The following ESR2 variants were observed in gnomAD, a reference collection of about 807,000 sequenced individuals.
ESR2 encodes the protein estrogen receptor 2, also known as estrogen receptor beta.
ESR2 carries 36 observed loss-of-function variants against 49.6 expected under a neutral mutation model. The ratio of observed to expected loss-of-function variants is 0.73; its 90% confidence interval spans 0.56 to 0.96. ESR2 has a LOEUF of 0.96. ESR2 is among the 40% of genes least tolerant of loss of function. ESR2 has a pLI of 0.00. For missense variants in ESR2, 714 were observed against 693.0 expected (o/e 1.03, Z -0.34); for synonymous variants, 320 against 266.1 (o/e 1.20, Z -1.97).
At chr14:64,306,417 T>C (rs1437080611) in intron 1 of ESR2, among the ~76,000 whole-genome samples, 2 of 152,186 alleles carry the variant, frequency 1.3e-5, no homozygotes, top group South Asian at 4.1e-4. Context: ...TTGGACATAG[T>C]TGGATTTTGT....
At chr14:64,297,769 G>C (rs1000715796), upstream of ESR2, 3 of 152,116 alleles carry the variant, frequency 2.0e-5, no homozygotes, top group Admixed American at 6.5e-5. Context: ...AGGGAAAGGA[G>C]GAATGCTACA....
chr14:64,308,353 C>G (rs1369497980), intron 1 of ESR2, among the ~76,000 whole-genome samples: 1 of 152,132 alleles, frequency 6.6e-6, no homozygotes, highest in Non-Finnish European at 1.5e-5. Context: ...ACAAGACTCC[C>G]TCTAGCACTA....
At chr14:64,317,207 G>T (rs551451491) in intron 1 of ESR2, among the ~76,000 whole-genome samples, 74 of 152,344 alleles carry the variant, frequency 4.9e-4, no homozygotes, top group African/African-American at 1.6e-3. Context: ...AGAGGTTGCA[G>T]TGGGCCCAGG....
intron 1 of ESR2, among the ~76,000 whole-genome samples, chr14:64,313,835 C>G (rs1176937706): frequency 1.4e-5 from 2 of 146,682 alleles, no homozygotes; most frequent in African/African-American, 5.1e-5. Context: ...GTGGAGATCT[C>G]GCCACTTCAC....
At chr14:64,252,307 C>T (rs61984405) in intron 6 of ESR2, among the ~76,000 whole-genome samples, 1 of 121,292 alleles carries the variant, frequency 8.2e-6, no homozygotes, top group African/African-American at 3.5e-5. Flanking sequence ...GCGGGACCGT[C>T]TCTAAAAAAA....
At chr14:64,246,734 CAAAAAAAAAAAAAAAAAAAAA>C (rs71123836) in intron 7 of ESR2, among the ~76,000 whole-genome samples, 1 of 36,452 alleles carries the variant, frequency 2.7e-5, no homozygotes, top group South Asian at 1.9e-3. Flanking sequence ...AAGACTCTGT[CAAAAAAAAAAAAAAAAAAAAA>C]AAAAAAAAAA....
intron 1 of ESR2, among the ~76,000 whole-genome samples, chr14:64,293,076 T>C (rs921705182): frequency 6.6e-6 from 1 of 152,226 alleles, no homozygotes; most frequent in African/African-American, 2.4e-5. Context: ...AACAGATCCT[T>C]ATAGTTTCCT....
chr14:64,264,616 C>T (rs937584460), intron 4 of ESR2, among the ~76,000 whole-genome samples: 2 of 151,786 alleles, frequency 1.3e-5, no homozygotes, highest in African/African-American at 2.4e-5. Context: ...TGCCTGTAAT[C>T]CCCCAGCACT....
At chr14:64,326,962 T>A (rs2077397154) in intron 1 of ESR2, among the ~76,000 whole-genome samples, 1 of 152,228 alleles carries the variant, frequency 6.6e-6, no homozygotes, top group African/African-American at 2.4e-5. Flanking sequence ...CAACTCAACA[T>A]TTCTCGATTA....
chr14:64,239,736 T>G (rs572182526), intron 7 of ESR2, among the ~76,000 whole-genome samples: 4 of 152,332 alleles, frequency 2.6e-5, no homozygotes, highest in African/African-American at 9.6e-5. Context: ...CATTTTTCTG[T>G]TGTCTCTTAC....
intron 4 of ESR2, 105 bp downstream of exon 4, chr14:64,268,690 C>T (rs1007892425): frequency 3.0e-5 from 21 of 707,870 alleles, no homozygotes; most frequent in Non-Finnish European, 4.5e-5. Context: ...TACTTAATTA[C>T]TATGTCCCAA....
intron 1 of ESR2, among the ~76,000 whole-genome samples, chr14:64,286,221 G>A (rs2076782978): frequency 6.6e-6 from 1 of 152,196 alleles, no homozygotes; most frequent in Admixed American, 6.5e-5. Flanking sequence ...GGTAGCTGGA[G>A]AAGGATATAG....
At chr14:64,270,226 A>G (rs2076412639) in intron 3 of ESR2, among the ~76,000 whole-genome samples, 3 of 152,240 alleles carry the variant, frequency 2.0e-5, no homozygotes. Context: ...TGTAGAAGAC[A>G]TGAACACATA....
chr14:64,246,767 A>AAAAAAAAAAAAAAC (rs2075869497), intron 7 of ESR2, among the ~76,000 whole-genome samples: 1 of 125,646 alleles, frequency 8.0e-6, no homozygotes, highest in Non-Finnish European at 1.7e-5. Flanking sequence ...AAAAAAAAAA[A>AAAAAAAAAAAAAAC]CACACCTGGC....
intron 5 of ESR2, among the ~76,000 whole-genome samples, chr14:64,257,999 C>T (rs2076139136): frequency 6.6e-6 from 1 of 152,064 alleles, no homozygotes; most frequent in Admixed American, 6.6e-5. Context: ...GGTGGATTGC[C>T]TGCACCCAGG....
At chr14:64,270,656 C>T (rs1369257203) in intron 3 of ESR2, among the ~76,000 whole-genome samples, 4 of 152,008 alleles carry the variant, frequency 2.6e-5, no homozygotes, top group Non-Finnish European at 5.9e-5. Flanking sequence ...GATTCAGGCA[C>T]CCACCACCAC....
rs182899061 is a variant in ESR2 at position 64,326,184 on chromosome 14, G to A, written c.-91+11714C>T. Among the ~76,000 whole-genome samples, 56 of 152,182 alleles carry A rather than the reference G, an allele frequency of 3.7e-4. No individual in the cohort carries two copies. In the East Asian group the frequency reaches 7.9e-3, roughly 21 times the overall value. ...AAGGAATTTGAAGAACACTTCCTCA[G>A]TACTATTTTACTTCCTCAGCAATAT... is the stretch of plus-strand genomic sequence containing the variant. On this transcript the variant is annotated intron_variant, in intron 1 of 8. Transcript: ENST00000358599.
intron 4 of ESR2, among the ~76,000 whole-genome samples, chr14:64,264,890 GAAAAA>G (rs1239710240): frequency 2.6e-5 from 3 of 117,224 alleles, no homozygotes; most frequent in Non-Finnish European, 5.4e-5. Flanking sequence ...AAAAAAAAAA[GAAAAA>G]AAAAAAAGCA....
chr14:64,268,859 G>A lies in ESR2; in HGVS notation c.588C>T (p.Asn196=). 1.2e-6 allele frequency: 2 copies of A among 1,613,890 alleles called. No individual in the cohort carries two copies. The highest frequency in any genetic ancestry group is 4.5e-5 in the East Asian group (2 of 44,870). Residue 196 remains asparagine, a synonymous_variant, in exon 4 of 9, where the codon AAC becomes AAT. Transcript: ENST00000341099. The part of the protein sequence containing the change: ...PATNQCTIDK[N]RRKSCQACRL... ...GGCAGGCCTGGCAGCTCTTGCGCCG[G>A]TTTTTATCGATTGTACACTGATTTG...
Sources: allele counts gnomAD v4.1 joint callset (sites outside exome capture counted in the v4.1 genomes callset), GRCh38; gene constraint gnomAD v4.1.1; transcripts MANE v1.5; gene names NCBI Gene and HGNC (gene_info 2026-07-23, HGNC 2026-07-21).